The following VGLL4 variants were observed in gnomAD, a reference collection of about 807,000 sequenced individuals.
VGLL4 encodes transcription cofactor vestigial-like protein 4.
In VGLL4, 7 loss-of-function variants were observed where a neutral mutation model predicts 21.0. The observed-to-expected ratio is 0.33, with a 90% CI of 0.19 to 0.63. The LOEUF is 0.63. Among genes scored for constraint, VGLL4 ranks in the 20% least tolerant of loss-of-function variants. The probability of loss-of-function intolerance (pLI) is 0.78; values close to 1 mark genes in which losing one functional copy is unlikely to be tolerated. For missense variants in VGLL4, 394 were observed against 425.7 expected, an observed-to-expected ratio of 0.93 and a Z score of 0.66; for synonymous variants, 222 against 173.2, an observed-to-expected ratio of 1.28 and a Z score of -2.21.
At chr3:11,617,232 T>C (rs2075178741) in intron 1 of VGLL4, among the ~76,000 whole-genome samples, 1 of 152,076 alleles carries the variant, frequency 6.6e-6, no homozygotes, top group Admixed American at 6.5e-5. Flanking sequence ...TACAAGAGTA[T>C]GAGGCAAGGC....
At chr3:11,642,450 A>G (rs1267928575) in intron 1 of VGLL4, among the ~76,000 whole-genome samples, 1 of 152,218 alleles carries the variant, frequency 6.6e-6, no homozygotes, top group Non-Finnish European at 1.5e-5. Flanking sequence ...TTCTTTTTCA[A>G]GAGAAATGTC....
At chr3:11,598,635 A>G (rs73025151) in intron 2 of VGLL4, among the ~76,000 whole-genome samples, 18,411 of 151,918 alleles carry the variant, frequency 0.12, 1,374 homozygotes, top group East Asian at 0.25. Context: ...GAGCAAAGGA[A>G]CACTCCACCA....
intron 1 of VGLL4, among the ~76,000 whole-genome samples, chr3:11,639,951 C>A (rs1313239264): frequency 6.6e-6 from 1 of 152,128 alleles, no homozygotes; most frequent in African/African-American, 2.4e-5. Flanking sequence ...AGTCAAAACT[C>A]AATTCAATCC....
At chr3:11,586,508 T>A (rs1340645415) in intron 2 of VGLL4, among the ~76,000 whole-genome samples, 1 of 152,064 alleles carries the variant, frequency 6.6e-6, no homozygotes, top group East Asian at 1.9e-4. Context: ...GAAAATGGAG[T>A]CAGGCCTCTG....
rs1165339880 is a variant in VGLL4 at position 11,601,892 on chromosome 3, C to CACAG, written c.212_213insCTGT (p.Glu71AspfsTer7). 1.2e-6 allele frequency: 2 copies of CACAG among 1,613,684 alleles called. No homozygotes were observed. The highest frequency in any genetic ancestry group is 2.7e-5 in the African/African-American group (2 of 74,880). On this transcript the variant is annotated frameshift_variant, in exon 2 of 5. Coordinates refer to ENST00000430365, the MANE Select transcript of VGLL4 (RefSeq NM_001128219.3). LOFTEE classifies it high-confidence loss of function. Reference sequence around the variant, plus strand: ...CGTGGTCGTTGTCACAGTCTAGGTCCTCGTCACCTGGCTCCATGCTGAACT... The same window carrying CACAG: ...CGTGGTCGTTGTCACAGTCTAGGTCCACAGTCGTCACCTGGCTCCATGCTGAACT...
chr3:11,596,944 C>T (rs1415294307), intron 2 of VGLL4, among the ~76,000 whole-genome samples: 1 of 152,044 alleles, frequency 6.6e-6, no homozygotes, highest in Non-Finnish European at 1.5e-5. Flanking sequence ...TCTGGAGTCC[C>T]CTGGAAAAAC....
rs879586113 is a variant in VGLL4 at position 11,557,701 on chromosome 3, A to ATAAT, written c.*851_*854dup. On this transcript the variant is annotated 3_prime_UTR_variant, in exon 5 of 5. Coordinates refer to ENST00000430365, the MANE Select transcript of VGLL4 (RefSeq NM_001128219.3). ...ATTAAGGTTTTTGTTTACTGTCTAT[A>ATAAT]TAATTAATAGAAACCAGCTATTTTT... The ATAAT allele has an allele frequency of 2.2e-4, 33 of 152,952 alleles. No homozygotes were observed. The highest frequency in any genetic ancestry group is 1.2e-3 in the South Asian group (6 of 4,832). 9.5% of individuals were successfully genotyped at this position (152,952 alleles called of 1,614,324 possible).
intron 2 of VGLL4, among the ~76,000 whole-genome samples, chr3:11,686,119 G>C (rs2076444073): frequency 6.6e-6 from 1 of 152,138 alleles, no homozygotes; most frequent in Non-Finnish European, 1.5e-5. Flanking sequence ...AAAACAGTAG[G>C]GCAGTTCCTC....
intron 2 of VGLL4, among the ~76,000 whole-genome samples, chr3:11,598,798 C>CT (rs1250411498): frequency 6.6e-6 from 1 of 152,160 alleles, no homozygotes; most frequent in Non-Finnish European, 1.5e-5. Context: ...AGCCAAAACT[C>CT]TTTTCCAATA....
chr3:11,697,678 T>C (rs922198821), intron 2 of VGLL4, among the ~76,000 whole-genome samples: 3 of 152,140 alleles, frequency 2.0e-5, no homozygotes, highest in Non-Finnish European at 2.9e-5. Flanking sequence ...TTTGCTTTCC[T>C]TTTTTTAAGG....
intron 2 of VGLL4, among the ~76,000 whole-genome samples, chr3:11,665,101 CTTTTTTTTTTTTTT>C (rs59999510): frequency 7.2e-5 from 7 of 96,972 alleles, no homozygotes; most frequent in African/African-American, 2.4e-4. Context: ...GAATATTTTT[CTTTTTTTTTTTTTT>C]TTTTTTTTTT....
In VGLL4 at chr3:11,573,323, GAAAGAAAGAAAGAAAGA is replaced by G. The variant is rs2073913755; in HGVS notation, c.273-8321_273-8305del. On this transcript the variant is annotated intron_variant, in intron 2 of 4. Coordinates refer to ENST00000430365, the MANE Select transcript of VGLL4 (RefSeq NM_001128219.3). ...AGAAAGAAAGGAAGGAAGGAAGAAAGAAAGAAAGAAAGAAAGAAAGAAAGAAAGAAAGAAAGAAAGAA... is the reference window on the plus strand; with the variant it reads ...AGAAAGAAAGGAAGGAAGGAAGAAAGAAGAAAGAAAGAAAGAAAGAAAGAA... Among the ~76,000 whole-genome samples the G allele has an allele frequency of 2.1e-3, 72 of 34,446 alleles. 5 individuals carry two copies. Among genetic ancestry groups the G allele is most frequent in the East Asian group, 6.0e-3 (7 of 1,166 alleles). 22.6% of individuals were successfully genotyped at this position (34,446 alleles called of 152,430 possible). A position where few individuals can be genotyped will look rare whatever the true frequency, so the allele number is the denominator to read the frequency against.
At chr3:11,641,167 G>C (rs1008317806) in intron 1 of VGLL4, among the ~76,000 whole-genome samples, 3 of 148,768 alleles carry the variant, frequency 2.0e-5, no homozygotes, top group African/African-American at 4.9e-5. Flanking sequence ...TTTTAGAGTA[G>C]AGCTATGTCT....
At chr3:11,571,363 C>T (rs1186802745) in intron 2 of VGLL4, among the ~76,000 whole-genome samples, 1 of 152,194 alleles carries the variant, frequency 6.6e-6, no homozygotes, top group Non-Finnish European at 1.5e-5. Flanking sequence ...CACAACCATC[C>T]ACCCACGTAA....
chr3:11,705,686 A>G (rs2076749419), intron 1 of VGLL4, among the ~76,000 whole-genome samples: 1 of 152,234 alleles, frequency 6.6e-6, no homozygotes, highest in Admixed American at 6.5e-5. Flanking sequence ...CCTATTCAGG[A>G]AAGATCTGGG....
At chr3:11,694,002 C>T (rs938113932) in intron 2 of VGLL4, among the ~76,000 whole-genome samples, 8 of 152,108 alleles carry the variant, frequency 5.3e-5, no homozygotes, top group Admixed American at 2.6e-4. Flanking sequence ...CCGTTCAATT[C>T]TCAGCACTGC....
At chr3:11,578,748 CTT>C (rs71044228) in intron 2 of VGLL4, among the ~76,000 whole-genome samples, 1 of 104,692 alleles carries the variant, frequency 9.6e-6, no homozygotes, top group African/African-American at 3.7e-5. Flanking sequence ...TGTATATTTT[CTT>C]TTTTTTTTTT....
chr3:11,564,675 T>TCCCTCCCTCACCACCG (rs2073361800), intron 3 of VGLL4, 122 bp downstream of exon 3: 1 of 1,204,254 alleles, frequency 8.3e-7, no homozygotes, highest in South Asian at 1.4e-5. Flanking sequence ...CCTCACCACC[T>TCCCTCCCTCACCACCG]CCCTCCCTCA....
Position 11,568,592 on chromosome 3 carries a change from A to T in VGLL4, c.273-3573T>A, listed in dbSNP as rs569623811. 1.1e-3 allele frequency: 1,763 copies of T among 1,562,760 alleles called. 31 individuals are homozygous for T. The South Asian group carries it at 0.019, about 17-fold the overall frequency. On this transcript the variant is annotated intron_variant, in intron 2 of 4. Coordinates refer to ENST00000430365, the MANE Select transcript of VGLL4 (RefSeq NM_001128219.3). This position sits in a 1 kb window ranked among gnomAD's most constrained non-coding sequence, Gnocchi z 5.9. ...CTGGCTGGTTAATTTTAGTAAAATT[A>T]TACATTACTCACATTTCCAGCTCAT...
Sources: allele counts gnomAD v4.1 joint callset (sites outside exome capture counted in the v4.1 genomes callset), GRCh38; gene constraint gnomAD v4.1.1; non-coding constraint Gnocchi (gnomAD v3.1); transcripts MANE v1.5; gene names NCBI Gene and HGNC (gene_info 2026-07-23, HGNC 2026-07-21).